Variants in AP3S2 observed in about 807,000 individuals in gnomAD.
The protein encoded by AP3S2 is AP-3 complex subunit sigma-2.
AP3S2 carries 22 observed loss-of-function variants against 23.4 expected under a neutral mutation model. The ratio of observed to expected loss-of-function variants is 0.94; its 90% CI spans 0.67 to 1.34. AP3S2 has a LOEUF of 1.34. Among genes scored for constraint, AP3S2 ranks in the 40% most tolerant of loss-of-function variants. The probability of loss-of-function intolerance (pLI) is 0.00; values close to 1 mark genes in which losing one functional copy is unlikely to be tolerated. For missense variants in AP3S2, 241 were observed against 236.9 expected, an observed-to-expected ratio of 1.02 and a Z score of -0.11; for synonymous variants, 86 against 87.1, an observed-to-expected ratio of 0.99 and a Z score of 0.07.
At chr15:89,868,958 C>T (rs1169237258) in intron 4 of AP3S2, among the ~76,000 whole-genome samples, 117 of 143,614 alleles carry the variant, frequency 8.1e-4, no homozygotes, top group African/African-American at 3.0e-3. Flanking sequence ...GGGGGGTCAG[C>T]CCCCTGCCCG....
At chr15:89,877,511 T>A (rs1312287032) in intron 3 of AP3S2, 1 of 700,476 alleles carries the variant, frequency 1.4e-6, no homozygotes, top group South Asian at 1.5e-5. Context: ...ACGTTCATAA[T>A]GTGCAACCAT....
intron 4 of AP3S2, among the ~76,000 whole-genome samples, chr15:89,846,322 C>A (rs977264521): frequency 1.3e-5 from 2 of 152,012 alleles, no homozygotes; most frequent in Admixed American, 6.6e-5. Context: ...CGAGTCTCTC[C>A]ACTCTCCCCC....
chr15:89,868,672 C>T (rs1197023341), intron 4 of AP3S2, among the ~76,000 whole-genome samples: 8 of 117,528 alleles, frequency 6.8e-5, no homozygotes, highest in Non-Finnish European at 1.3e-4. Flanking sequence ...CCCGGCCAGC[C>T]GCCCGGTCCG....
chr15:89,855,976 T>C (rs1213881529), intron 4 of AP3S2, among the ~76,000 whole-genome samples: 3 of 102,248 alleles, frequency 2.9e-5, no homozygotes, highest in Non-Finnish European at 5.9e-5. Flanking sequence ...AAAGAATCAA[T>C]GAAATGTGAT....
At chr15:89,850,177 C>T (rs1057067524) in intron 4 of AP3S2, among the ~76,000 whole-genome samples, 1 of 152,200 alleles carries the variant, frequency 6.6e-6, no homozygotes, top group Non-Finnish European at 1.5e-5. Flanking sequence ...CTTTCACCTG[C>T]TCTTAGTGTC....
chr15:89,835,388 G>C lies in AP3S2; in HGVS notation c.*127C>G. 3 of 1,490,350 alleles carry C rather than the reference G, an allele frequency of 2.0e-6. No homozygotes were observed. The highest frequency in any genetic ancestry group is 4.6e-5 in the East Asian group (2 of 43,922). 92.3% of individuals were successfully genotyped at this position (1,490,350 alleles called of 1,614,324 possible). ...ATTCCATGCCAAACAGTCTTCCCCA[G>C]ACACAAAGTTTCCAGGTCCTGAGGC... On this transcript the variant is annotated 3_prime_UTR_variant, in exon 6 of 6. Coordinates refer to ENST00000336418, the MANE Select transcript of AP3S2 (RefSeq NM_005829.5).
chr15:89,862,640 G>A (rs540927180), intron 4 of AP3S2, among the ~76,000 whole-genome samples: 4 of 152,178 alleles, frequency 2.6e-5, no homozygotes, highest in Non-Finnish European at 5.9e-5. Flanking sequence ...GGAAGAGGGA[G>A]AAAAGGTTTT....
chr15:89,870,112 T>G (rs930087915), intron 4 of AP3S2, among the ~76,000 whole-genome samples: 1 of 152,190 alleles, frequency 6.6e-6, no homozygotes, highest in Non-Finnish European at 1.5e-5. Flanking sequence ...TCCCCCTATA[T>G]TTTCAAGTCT....
intron 4 of AP3S2, among the ~76,000 whole-genome samples, chr15:89,868,967 C>A (rs1381204764): frequency 6.8e-6 from 1 of 146,116 alleles, no homozygotes. Flanking sequence ...GCCCCCTGCC[C>A]GGCCAGCCGC....
chr15:89,889,253 G>C (rs1020902241), intron 1 of AP3S2, 113 bp from the exon 2 acceptor site: 2 of 1,094,714 alleles, frequency 1.8e-6, no homozygotes, highest in Non-Finnish European at 2.7e-6. Flanking sequence ...TAAACATTTA[G>C]TACTTGTTTC....
chr15:89,871,140 A>C (rs866172638), intron 4 of AP3S2, among the ~76,000 whole-genome samples: 1 of 152,220 alleles, frequency 6.6e-6, no homozygotes, highest in Non-Finnish European at 1.5e-5. Flanking sequence ...TATGACTAGG[A>C]AACTAATTTT....
chr15:89,844,101 TG>T (rs1176242853), intron 4 of AP3S2, among the ~76,000 whole-genome samples: 1 of 152,260 alleles, frequency 6.6e-6, no homozygotes, highest in Non-Finnish European at 1.5e-5. Flanking sequence ...TGACTTTTAC[TG>T]TGACTTTTCC....
At chr15:89,877,385 G>A (rs1460497259) in intron 3 of AP3S2, 11 of 1,291,608 alleles carry the variant, frequency 8.5e-6, no homozygotes, top group African/African-American at 3.0e-5. Flanking sequence ...CCAGTTTGTA[G>A]GGTGTTGCAC....
chr15:89,867,893 C>T (rs1421786266), intron 4 of AP3S2, among the ~76,000 whole-genome samples: 3 of 130,478 alleles, frequency 2.3e-5, no homozygotes, highest in Non-Finnish European at 5.2e-5. Context: ...CGGCTCCGCC[C>T]GGCAGCCACC....
At chr15:89,841,401 A>C (rs1431578728) in intron 4 of AP3S2, among the ~76,000 whole-genome samples, 1 of 152,234 alleles carries the variant, frequency 6.6e-6, no homozygotes, top group Non-Finnish European at 1.5e-5. Context: ...AAGAAAAAGA[A>C]GAAAGGATGC....
intron 4 of AP3S2, among the ~76,000 whole-genome samples, chr15:89,859,883 C>G (rs1427289191): frequency 6.6e-6 from 1 of 151,722 alleles, no homozygotes; most frequent in Non-Finnish European, 1.5e-5. Context: ...CCTGCCTCAG[C>G]CTCCAGAGTA....
chr15:89,877,351 C>A (rs755075313), intron 3 of AP3S2: 38 of 1,299,474 alleles, frequency 2.9e-5, no homozygotes, highest in Middle Eastern at 2.1e-4. Context: ...GATGTCAGGT[C>A]CTTGTTCCCA....
intron 3 of AP3S2, chr15:89,884,122 AAC>A (rs1182476873): frequency 2.6e-5 from 4 of 154,040 alleles, no homozygotes; most frequent in South Asian, 2.0e-4. Flanking sequence ...TCAGAAAGTA[AAC>A]AGTTACATTA....
intron 5 of AP3S2, among the ~76,000 whole-genome samples, chr15:89,836,832 AG>A (rs1185195503): frequency 6.6e-6 from 1 of 152,224 alleles, no homozygotes; most frequent in African/African-American, 2.4e-5. Flanking sequence ...GGTCTGGAAA[AG>A]CTTCTTCCAC....
Sources: allele counts gnomAD v4.1 joint callset (sites outside exome capture counted in the v4.1 genomes callset), GRCh38; gene constraint gnomAD v4.1.1; transcripts MANE v1.5; gene names NCBI Gene and HGNC (gene_info 2026-07-23, HGNC 2026-07-21).